The following PPARGC1A variants were observed in gnomAD, a reference collection of about 807,000 sequenced individuals.
The protein encoded by PPARGC1A is peroxisome proliferator-activated receptor gamma coactivator 1-alpha.
In PPARGC1A, 25 loss-of-function variants were observed where a neutral mutation model predicts 88.7. That is an observed-to-expected ratio of 0.28 (90% CI 0.21 to 0.39). PPARGC1A has a LOEUF of 0.39. PPARGC1A is among the 10% of genes least tolerant of loss of function. PPARGC1A has a pLI of 1.00. For synonymous variants in PPARGC1A, 363 were observed against 355.6 expected (o/e 1.02, Z -0.24); for missense variants, 880 against 968.7 (o/e 0.91, Z 1.22).
the PPARGC1A span, among the ~76,000 whole-genome samples, chr4:23,977,446 G>A: frequency 1.3e-5 from 2 of 152,208 alleles, no homozygotes; most frequent in African/African-American, 4.8e-5. Context: ...ACATCTCACT[G>A]TGATAAACAG....
At chr4:24,192,429 T>C in the PPARGC1A span, among the ~76,000 whole-genome samples, 1 of 152,244 alleles carries the variant, frequency 6.6e-6, no homozygotes, top group African/African-American at 2.4e-5. Flanking sequence ...CGTCAGTAGT[T>C]AATGTTTAGC....
the PPARGC1A span, among the ~76,000 whole-genome samples, chr4:24,120,743 C>A: frequency 6.6e-6 from 1 of 152,196 alleles, no homozygotes; most frequent in Admixed American, 6.5e-5. Flanking sequence ...GCCATGGAGA[C>A]CCCTTCCCCT....
the PPARGC1A span, among the ~76,000 whole-genome samples, chr4:24,280,490 GAGA>G: frequency 1.3e-5 from 2 of 152,002 alleles, no homozygotes; most frequent in Non-Finnish European, 2.9e-5. Context: ...GAGGGAGGGA[GAGA>G]AGAAGAAAGG....
At chr4:24,427,718 G>A in the PPARGC1A span, among the ~76,000 whole-genome samples, 3 of 152,014 alleles carry the variant, frequency 2.0e-5, no homozygotes, top group South Asian at 6.2e-4. Flanking sequence ...GAGACATTTC[G>A]GGTTGTCATA....
chr4:23,991,299 A>G, the PPARGC1A span, among the ~76,000 whole-genome samples: 1 of 152,150 alleles, frequency 6.6e-6, no homozygotes, highest in Non-Finnish European at 1.5e-5. Flanking sequence ...TCACCCTTAT[A>G]CTACAGTGTC....
chr4:23,890,168 C>A (rs1339615971), upstream of PPARGC1A: 1 of 1,039,302 alleles, frequency 9.6e-7, no homozygotes, highest in Non-Finnish European at 1.2e-6. Context: ...GCTGCTCTAA[C>A]TCGTGACGTC....
At chr4:24,294,088 A>G in the PPARGC1A span, among the ~76,000 whole-genome samples, 1 of 152,200 alleles carries the variant, frequency 6.6e-6, no homozygotes, top group East Asian at 1.9e-4. Flanking sequence ...CTACTGAAGT[A>G]GTAGAACTGG....
At chr4:24,279,969 G>C in the PPARGC1A span, among the ~76,000 whole-genome samples, 1 of 152,068 alleles carries the variant, frequency 6.6e-6, no homozygotes, top group Non-Finnish European at 1.5e-5. Flanking sequence ...GCTATTATTA[G>C]AGAGGCCCAG....
chr4:24,370,749 C>CTTTTTTTTTT, the PPARGC1A span, among the ~76,000 whole-genome samples: 7 of 62,868 alleles, frequency 1.1e-4, no homozygotes, highest in East Asian at 4.4e-4. Context: ...CTGTCTCTCT[C>CTTTTTTTTTT]TTTTTTTTTT....
At chr4:23,818,839 C>CTTTTTTTTTTTTTTTTT (rs762478316) in intron 7 of PPARGC1A, among the ~76,000 whole-genome samples, 1 of 49,004 alleles carries the variant, frequency 2.0e-5, no homozygotes, top group African/African-American at 7.9e-5. Flanking sequence ...CCAATGGCAT[C>CTTTTTTTTTTTTTTTTT]TTTTTTTTTT....
At chr4:24,343,158 T>C in the PPARGC1A span, among the ~76,000 whole-genome samples, 1 of 152,210 alleles carries the variant, frequency 6.6e-6, no homozygotes, top group Non-Finnish European at 1.5e-5. Context: ...AAACCCTTAA[T>C]CATAAATGGA....
chr4:24,295,500 G>C, the PPARGC1A span, among the ~76,000 whole-genome samples: 1 of 152,068 alleles, frequency 6.6e-6, no homozygotes, highest in Non-Finnish European at 1.5e-5. Flanking sequence ...CATTGGACTA[G>C]AATCCTGGGC....
At chr4:24,084,557 C>T in the PPARGC1A span, among the ~76,000 whole-genome samples, 1 of 152,122 alleles carries the variant, frequency 6.6e-6, no homozygotes, top group Admixed American at 6.5e-5. Flanking sequence ...ATTTGTTAGA[C>T]CTAGGAATGA....
the PPARGC1A span, among the ~76,000 whole-genome samples, chr4:24,007,191 G>C: frequency 6.6e-6 from 1 of 152,104 alleles, no homozygotes; most frequent in Non-Finnish European, 1.5e-5. Context: ...TCTTCTGTAG[G>C]TTCAAGAAAA....
chr4:23,859,911 G>T (rs567830923), intron 2 of PPARGC1A, among the ~76,000 whole-genome samples: 3 of 152,058 alleles, frequency 2.0e-5, no homozygotes, highest in African/African-American at 7.2e-5. Context: ...GAATATTCAA[G>T]TAGCACAGAA....
At position 23,792,303 on chromosome 4, in the gene PPARGC1A, T is replaced by C. The variant is rs1417626228; in HGVS notation, c.*3519A>G. On this transcript the variant is annotated 3_prime_UTR_variant, in exon 13 of 13. Transcript: ENST00000264867. ...AAATGTCTGTCACATAGGTACAAAT[T>C]TAGAATCATCACATTATAGTACATG... 2 of 152,574 alleles carry C rather than the reference T, an allele frequency of 1.3e-5. No homozygotes were observed. The highest frequency in any genetic ancestry group is 2.9e-5 in the Non-Finnish European group (2 of 68,036). 9.5% of individuals were successfully genotyped at this position (152,574 alleles called of 1,614,324 possible).
the PPARGC1A span, among the ~76,000 whole-genome samples, chr4:23,962,817 C>A: frequency 6.6e-6 from 1 of 152,076 alleles, no homozygotes; most frequent in South Asian, 2.1e-4. Flanking sequence ...CTACTCTTAC[C>A]TGACCCCACA....
At position 23,824,411 on chromosome 4, in the gene PPARGC1A, G is replaced by A. The variant is rs188612680; in HGVS notation, c.803+52C>T. On this transcript the variant is annotated intron_variant, in intron 6 of 12. Transcript: ENST00000264867. ...TGAAATGGAGTTGCTGTAGCCAAAT[G>A]TATTAGAACCCCCTTCCCTTTCAGA... 18 of 1,604,368 alleles carry A rather than the reference G, an allele frequency of 1.1e-5. No individual in the cohort carries two copies. The African/African-American group carries it at 1.5e-4, about 13-fold the overall frequency.
At chr4:23,859,052 T>G in intron 2 of PPARGC1A, among the ~76,000 whole-genome samples, 1 of 151,568 alleles carries the variant, frequency 6.6e-6, no homozygotes, top group East Asian at 1.9e-4. Flanking sequence ...TAAATTAAAA[T>G]AGTATTGTAA....
Sources: allele counts gnomAD v4.1 joint callset (sites outside exome capture counted in the v4.1 genomes callset), GRCh38; gene constraint gnomAD v4.1.1; transcripts MANE v1.5; gene names NCBI Gene and HGNC (gene_info 2026-07-23, HGNC 2026-07-21).